The following MROH7 variants were observed in gnomAD, a reference collection of about 807,000 sequenced individuals.
The protein encoded by MROH7 is maestro heat like repeat family member 7.
In MROH7, 113 loss-of-function variants were observed where a neutral mutation model predicts 129.2. The observed-to-expected ratio is 0.87, with a 90% CI of 0.75 to 1.02. MROH7 has a LOEUF of 1.02. MROH7 is among the 50% of genes least tolerant of loss of function. The pLI, the probability that MROH7 is intolerant of heterozygous loss-of-function variation, is 0.00. For synonymous variants in MROH7, 655 were observed against 667.9 expected (o/e 0.98, Z 0.30); for missense variants, 1,601 against 1,671.3 (o/e 0.96, Z 0.73).
Position 54,653,588 on chromosome 1 carries a change from G to T in MROH7, c.662G>T (p.Gly221Val). 6.2e-7 allele frequency: 1 copy of T among 1,614,066 alleles called. No individual in the cohort carries two copies. ...GACTCCAATCCATTGCTCAACATGG[G>T]CTCAAGAAACACCTCCAAGCTGAAC... ...DLDSNPLLNM[G>V]SRNTSKLNLN... Residue 221 changes from glycine (G) to valine (V), a missense_variant, in exon 3 of 24, where the codon GGC (glycine) becomes GTC (valine). By Grantham distance (109) the Gly-to-Val change is moderately radical. Coordinates refer to ENST00000421030, the MANE Select transcript of MROH7 (RefSeq NM_001039464.4).
At chr1:54,668,794 C>T in intron 4 of MROH7, 60 bp from the exon 5 acceptor site, 2 of 1,356,848 alleles carry the variant, frequency 1.5e-6, no homozygotes, top group Non-Finnish European at 2.1e-6. Flanking sequence ...ATGGGCAACC[C>T]CTGAGGACTG....
At chr1:54,643,093 G>A (rs1644413010) in intron 1 of MROH7, among the ~76,000 whole-genome samples, 1 of 152,182 alleles carries the variant, frequency 6.6e-6, no homozygotes, top group African/African-American at 2.4e-5. Flanking sequence ...TAACAAGATA[G>A]CCAGACACTC....
At chr1:54,690,537 G>A (rs573282935) in intron 15 of MROH7, among the ~76,000 whole-genome samples, 11 of 149,848 alleles carry the variant, frequency 7.3e-5, no homozygotes, top group South Asian at 6.4e-4. Flanking sequence ...TCCGCCTCCC[G>A]GGTTCACGCC....
chr1:54,671,247 A>G (rs1644899179), intron 7 of MROH7, among the ~76,000 whole-genome samples: 1 of 151,712 alleles, frequency 6.6e-6, no homozygotes. Context: ...AAGAAAAAAA[A>G]AACTTAGCCG....
intron 14 of MROH7, among the ~76,000 whole-genome samples, chr1:54,683,952 C>T (rs115865753): frequency 7.2e-5 from 11 of 152,290 alleles, no homozygotes; most frequent in African/African-American, 2.6e-4. Context: ...TTGACAACAC[C>T]ACAGGGGATC....
Position 54,703,628 on chromosome 1 carries a change from G to A in MROH7, c.3564+883G>A, listed in dbSNP as rs1003583634. On this transcript the variant is annotated intron_variant, in intron 21 of 23. Coordinates refer to ENST00000421030, the MANE Select transcript of MROH7 (RefSeq NM_001039464.4). The surrounding 1 kb of genome is among the most constrained non-coding windows in gnomAD (Gnocchi z 4.4). Reference sequence around the variant, plus strand: ...ACATCATGAGGTAGGAGCAAGCCGCGTGCATGTGCGCGCGCGCATACACAC... The same window carrying A: ...ACATCATGAGGTAGGAGCAAGCCGCATGCATGTGCGCGCGCGCATACACAC... 1.3e-4 allele frequency among the ~76,000 whole-genome samples: 20 copies of A among 152,146 alleles called. No homozygotes were observed. The highest frequency in any genetic ancestry group is 3.3e-4 in the Admixed American group (5 of 15,284).
chr1:54,666,518 T>C (rs528291374), intron 4 of MROH7, among the ~76,000 whole-genome samples: 1 of 147,470 alleles, frequency 6.8e-6, no homozygotes, highest in South Asian at 2.3e-4. Context: ...TGCTGCAGCC[T>C]TAACTTCCCA....
chr1:54,648,335 A>ATTTTATTTATT (rs1644501496), intron 1 of MROH7, among the ~76,000 whole-genome samples: 1 of 109,168 alleles, frequency 9.2e-6, no homozygotes, highest in Admixed American at 9.5e-5. Flanking sequence ...GTTGCATGCA[A>ATTTTATTTATT]TTTTATTTAT....
chr1:54,667,953 G>C (rs560869836), intron 4 of MROH7, among the ~76,000 whole-genome samples: 2 of 152,266 alleles, frequency 1.3e-5, no homozygotes, highest in South Asian at 2.1e-4. Context: ...AATTGGAAAG[G>C]CCCAATTTCT....
Position 54,653,191 on chromosome 1 carries a change from A to G in MROH7, c.265A>G (p.Ile89Val). Reference sequence around the variant, plus strand: ...CCCCAGACCTGATGACAGCAGAGCTATCGCTCCAGCCTCCCTCCAGATCAC... The same window carrying G: ...CCCCAGACCTGATGACAGCAGAGCTGTCGCTCCAGCCTCCCTCCAGATCAC... The part of the protein sequence containing the change: ...NTPRPDDSRA[I>V]APASLQITSS... Residue 89 changes from isoleucine to valine, a missense_variant, in exon 3 of 24, where the codon ATC (isoleucine) becomes GTC (valine). Coordinates refer to ENST00000421030, the MANE Select transcript of MROH7 (RefSeq NM_001039464.4). 2.5e-6 allele frequency: 4 copies of G among 1,614,220 alleles called. No homozygotes were observed. The highest frequency in any genetic ancestry group is 2.2e-5 in the East Asian group (1 of 44,882).
intron 1 of MROH7, among the ~76,000 whole-genome samples, chr1:54,650,489 T>C (rs912959468): frequency 6.6e-6 from 1 of 151,776 alleles, no homozygotes; most frequent in Non-Finnish European, 1.5e-5. Context: ...TTGCCACCCA[T>C]TGCCCTTCTC....
Position 54,653,366 on chromosome 1 carries a change from C to G in MROH7, c.440C>G (p.Ser147Ter). Residue 147 changes from serine to a stop codon, truncating the protein, a stop_gained, in exon 3 of 24, where the codon TCA becomes TGA. Coordinates refer to ENST00000421030, the MANE Select transcript of MROH7 (RefSeq NM_001039464.4). LOFTEE classifies it high-confidence loss of function. Reference sequence around the variant, plus strand: ...CTGAGCTCTGGGAACCACCCTCAGTCAAATTCTGAAGATGCCTTCAAGTGC... The same window carrying G: ...CTGAGCTCTGGGAACCACCCTCAGTGAAATTCTGAAGATGCCTTCAAGTGC... ...PRLSSGNHPQ[S>*]NSEDAFKCLS... The G allele has an allele frequency of 1.2e-6, 2 of 1,614,198 alleles. No homozygotes were observed. The highest frequency in any genetic ancestry group is 1.7e-6 in the Non-Finnish European group (2 of 1,180,034).
intron 3 of MROH7, among the ~76,000 whole-genome samples, chr1:54,655,663 A>G (rs1007948244): frequency 6.6e-6 from 1 of 151,980 alleles, no homozygotes; most frequent in African/African-American, 2.4e-5. Context: ...TACTACAGGC[A>G]TGTTCCACCA....
At position 54,654,030 on chromosome 1, in the gene MROH7, G is replaced by A. The variant is rs765347424; in HGVS notation, c.1104G>A (p.Val368=). The A allele has an allele frequency of 6.2e-7, 1 of 1,614,222 alleles. No individual in the cohort carries two copies. The highest frequency in any genetic ancestry group is 8.5e-7 in the Non-Finnish European group (1 of 1,180,040). Residue 368 remains valine (V), a synonymous_variant, in exon 3 of 24, where the codon GTG becomes GTA. Coordinates refer to ENST00000421030, the MANE Select transcript of MROH7 (RefSeq NM_001039464.4). ...DDAKDNSIHT[V]PLEENLESWS... is the part of the protein sequence containing the mutation. Reference sequence around the variant, plus strand: ...CCAAGGACAACAGCATCCACACTGTGCCCCTGGAGGAGAATCTGGAGAGTT... The same window carrying A: ...CCAAGGACAACAGCATCCACACTGTACCCCTGGAGGAGAATCTGGAGAGTT...
chr1:54,699,224 TCC>T (rs1645392126), intron 17 of MROH7: 1 of 94,842 alleles, frequency 1.1e-5, no homozygotes, highest in Admixed American at 9.3e-5. Context: ...TCTTTCTTTC[TCC>T]TTTCTTCCTT....
chr1:54,675,601 CTTTT>C (rs35016115), intron 10 of MROH7, among the ~76,000 whole-genome samples: 1 of 143,174 alleles, frequency 7.0e-6, no homozygotes. Flanking sequence ...GGGACGCTGC[CTTTT>C]TTTTTTTTTT....
At chr1:54,670,164 A>G (rs1288971167) in intron 5 of MROH7, among the ~76,000 whole-genome samples, 1 of 151,738 alleles carries the variant, frequency 6.6e-6, no homozygotes, top group African/African-American at 2.4e-5. Flanking sequence ...GACCAGTTCC[A>G]TAGTTTGAAT....
intron 5 of MROH7, 32 bp downstream of exon 5, chr1:54,668,969 G>T: frequency 6.7e-7 from 1 of 1,490,918 alleles, no homozygotes; most frequent in Non-Finnish European, 9.3e-7. Context: ...CTGTGGCATT[G>T]GGGTGGGAGG....
At chr1:54,705,092 C>T (rs189225171) in intron 21 of MROH7, among the ~76,000 whole-genome samples, 184 of 152,244 alleles carry the variant, frequency 1.2e-3, no homozygotes, top group African/African-American at 4.2e-3. Context: ...GCCACTGCAC[C>T]CGGCTGAATG....
Sources: gnomAD v4.1 joint callset for allele counts (sites outside exome capture counted in the v4.1 genomes callset) on GRCh38, gnomAD v4.1.1 for gene constraint, Gnocchi (gnomAD v3.1) non-coding constraint, MANE v1.5 for transcripts, NCBI Gene and HGNC (gene_info 2026-07-23, HGNC 2026-07-21) for gene names.